Variants in MYBPHL observed in about 807,000 individuals in gnomAD.
The protein encoded by MYBPHL is myosin binding protein H like.
Under a neutral mutation model 39.5 loss-of-function variants are expected in MYBPHL, and 32 were observed. That is an observed-to-expected ratio of 0.81 (90% CI 0.61 to 1.09). MYBPHL has a LOEUF of 1.09. Among genes scored for constraint, MYBPHL ranks in the 50% least tolerant of loss-of-function variants. MYBPHL has a pLI of 0.00. For synonymous variants in MYBPHL, 196 were observed against 183.7 expected (o/e 1.07, Z -0.54); for missense variants, 456 against 460.2 (o/e 0.99, Z 0.08).
intron 1 of MYBPHL, among the ~76,000 whole-genome samples, chr1:109,300,013 T>A (rs1158957438): frequency 6.6e-6 from 1 of 152,246 alleles, no homozygotes; most frequent in Non-Finnish European, 1.5e-5. Context: ...AACCTCATCT[T>A]GTCAGGCTTG....
At chr1:109,302,606 C>T (rs142999679) in intron 1 of MYBPHL, among the ~76,000 whole-genome samples, 1 of 152,236 alleles carries the variant, frequency 6.6e-6, no homozygotes, top group East Asian at 1.9e-4. Context: ...CCTGCTGGTC[C>T]CAACACCCAT....
intron 7 of MYBPHL, 69 bp downstream of exon 7, chr1:109,295,040 CCT>C: frequency 6.5e-7 from 1 of 1,538,822 alleles, no homozygotes; most frequent in Admixed American, 1.7e-5. Flanking sequence ...GTCTCTGTTC[CCT>C]GACTCTTCCA....
At chr1:109,298,593 A>G (rs1011049038) in intron 1 of MYBPHL, among the ~76,000 whole-genome samples, 2 of 152,072 alleles carry the variant, frequency 1.3e-5, no homozygotes, top group Admixed American at 1.3e-4. Context: ...TTGTGTACAG[A>G]CCAGCCTGGT....
At chr1:109,303,136 C>A (rs1252130221) in intron 1 of MYBPHL, among the ~76,000 whole-genome samples, 2 of 152,172 alleles carry the variant, frequency 1.3e-5, no homozygotes, top group African/African-American at 4.8e-5. Context: ...ATTCCTGAGA[C>A]CTGTTTCATT....
At chr1:109,298,901 C>T (rs965508882) in intron 1 of MYBPHL, among the ~76,000 whole-genome samples, 2 of 152,216 alleles carry the variant, frequency 1.3e-5, no homozygotes, top group Admixed American at 1.3e-4. Flanking sequence ...GATTCTGGGA[C>T]AGATTAGGTC....
At chr1:109,302,058 AGTGT>A (rs144156799) in intron 1 of MYBPHL, among the ~76,000 whole-genome samples, 1,545 of 151,004 alleles carry the variant, frequency 0.01, 16 homozygotes, top group Non-Finnish European at 0.016. Flanking sequence ...TGTGTGTGTG[AGTGT>A]ATGTGTGTGA....
intron 2 of MYBPHL, 151 bp from the exon 3 acceptor site, chr1:109,297,768 G>C (rs1484715910): frequency 1.5e-6 from 1 of 665,100 alleles, no homozygotes; most frequent in East Asian, 2.8e-5. Context: ...CCTCCCGGGG[G>C]CCTCCTCCTT....
Position 109,297,179 on chromosome 1 carries a change from G to A in MYBPHL, c.441C>T (p.Gly147=). The stretch of plus-strand genomic sequence containing the variant: ...CCACCAGCTTAATACTCTGAGGAGG[G>A]CCTGGCCTCTCTGAAAGGGCAAAGC... The part of the protein sequence containing the change: ...TIDILVIERP[G]PPQSIKLVDV... Residue 147 remains glycine (G), a synonymous_variant, in exon 4 of 9, where the codon GGC becomes GGT. Transcript: ENST00000357155. The A allele has an allele frequency of 6.2e-7, 1 of 1,614,188 alleles. No homozygotes were observed. The highest frequency in any genetic ancestry group is 8.5e-7 in the Non-Finnish European group (1 of 1,180,026).
At chr1:109,306,195 G>A (rs748303798) in intron 1 of MYBPHL, among the ~76,000 whole-genome samples, 3 of 152,226 alleles carry the variant, frequency 2.0e-5, no homozygotes, top group Admixed American at 6.5e-5. Flanking sequence ...AGGGATGGGC[G>A]GCAGGAAGCT....
intron 1 of MYBPHL, among the ~76,000 whole-genome samples, chr1:109,303,811 G>A (rs1042220158): frequency 3.3e-5 from 5 of 152,074 alleles, no homozygotes; most frequent in African/African-American, 7.2e-5. Context: ...TCTTCACAGC[G>A]GCCGTGCTAC....
At chr1:109,294,691 G>T (rs958611356) in intron 7 of MYBPHL, among the ~76,000 whole-genome samples, 2 of 152,184 alleles carry the variant, frequency 1.3e-5, no homozygotes, top group Admixed American at 1.3e-4. Context: ...GAGGGGAAGT[G>T]AAATAAAGCC....
At chr1:109,303,970 C>A (rs1004353182) in intron 1 of MYBPHL, among the ~76,000 whole-genome samples, 1 of 152,206 alleles carries the variant, frequency 6.6e-6, no homozygotes, top group Non-Finnish European at 1.5e-5. Flanking sequence ...GCATTGCTTT[C>A]TCACATCCTT....
intron 6 of MYBPHL, among the ~76,000 whole-genome samples, chr1:109,295,907 A>T (rs1658041495): frequency 2.0e-5 from 3 of 152,152 alleles, no homozygotes; most frequent in Admixed American, 2.0e-4. Context: ...CCCTGATGGG[A>T]TGAGGTATGC....
Position 109,297,206 on chromosome 1 carries a change from A to G in MYBPHL, c.431-17T>C, listed in dbSNP as rs1039048104. 2 of 1,614,196 alleles carry G rather than the reference A, an allele frequency of 1.2e-6. No homozygotes were observed. Among genetic ancestry groups the G allele is most frequent in the African/African-American group, 1.3e-5 (1 of 75,070 alleles). On this transcript the variant is annotated splice_polypyrimidine_tract_variant and intron_variant, in intron 3 of 8. Transcript: ENST00000357155. ...CTGGCCTCTCTGAAAGGGCAAAGCCATGGCAGTGGGCGTGGAACATCCCAC... is the reference window on the plus strand; with the variant it reads ...CTGGCCTCTCTGAAAGGGCAAAGCCGTGGCAGTGGGCGTGGAACATCCCAC...
At position 109,296,805 on chromosome 1, in the gene MYBPHL, G is replaced by T. The variant is rs1658083945; in HGVS notation, c.708C>A (p.Asp236Glu). 2 of 1,614,014 alleles carry T rather than the reference G, an allele frequency of 1.2e-6. No individual in the cohort carries two copies. The highest frequency in any genetic ancestry group is 2.7e-5 in the African/African-American group (2 of 74,908). Reference protein sequence around the residue: ...GLSETAPITTDLAHIQKAATV... With the variant: ...GLSETAPITTELAHIQKAATV... ...TACCTGCTTTCTGGATGTGGGCGAG[G>T]TCCGTAGTGATGGGGGCTGTTTCAC... Residue 236 changes from aspartate (D) to glutamate (E), a missense_variant, in exon 5 of 9, where the codon GAC becomes GAA. Physicochemically the swap from Asp to Glu is conservative, Grantham distance 45. Transcript: ENST00000357155.
rs1220342038 is a variant in MYBPHL at position 109,292,461 on chromosome 1, G to T, written c.*161C>A. The T allele has an allele frequency of 1.3e-5, 2 of 152,220 alleles. No individual in the cohort carries two copies. Among genetic ancestry groups the T allele is most frequent in the Non-Finnish European group, 2.9e-5 (2 of 68,042 alleles). The allele number at this position is 152,220 out of a possible 1,614,324, so 9.4% of individuals were successfully genotyped here. A position where few individuals can be genotyped will look rare whatever the true frequency, so the allele number is the denominator to read the frequency against. On this transcript the variant is annotated 3_prime_UTR_variant, in exon 9 of 9. Transcript: ENST00000357155. ...TCTCACCACTGGCGGGCTTCCTGGA[G>T]GCACTGAAAAGAGGGAGCACTTTGT...
chr1:109,302,045 G>C (rs1017352241), intron 1 of MYBPHL, among the ~76,000 whole-genome samples: 1 of 151,878 alleles, frequency 6.6e-6, no homozygotes, highest in Non-Finnish European at 1.5e-5. Context: ...GAGTGTGTAT[G>C]TATGTGTGTG....
Position 109,295,148 on chromosome 1 carries a change from TA to T in MYBPHL, c.1016del (p.Leu339GlnfsTer12), listed in dbSNP as rs1658013051. 1 of 1,613,672 alleles carries T rather than the reference TA, an allele frequency of 6.2e-7. No individual in the cohort carries two copies. The highest frequency in any genetic ancestry group is 8.5e-7 in the Non-Finnish European group (1 of 1,179,952). ...CCCGACAGTCCACAGATGCCTCCCC[TA>T]GGGGGTTCACCGCCTTGCAGGTATA... The part of the protein sequence containing the change: ...GIYTCKAVNP[L>X]GEASVDCRVD... On this transcript the variant is annotated frameshift_variant, in exon 7 of 9. Coordinates refer to ENST00000357155, the MANE Select transcript of MYBPHL (RefSeq NM_001010985.3). LOFTEE classifies it high-confidence loss of function.
chr1:109,294,056 A>T, intron 8 of MYBPHL, 150 bp downstream of exon 8: 1 of 594,064 alleles, frequency 1.7e-6, no homozygotes. Context: ...AGAGTAAGAC[A>T]TCATTTCAAA....
Sources: gnomAD v4.1 joint callset for allele counts (sites outside exome capture counted in the v4.1 genomes callset) on GRCh38, gnomAD v4.1.1 for gene constraint, MANE v1.5 for transcripts, NCBI Gene and HGNC (gene_info 2026-07-23, HGNC 2026-07-21) for gene names.